FARS2: variants seen among roughly 807,000 people sequenced by gnomAD.
The protein encoded by FARS2 is phenylalanine--tRNA ligase, mitochondrial.
Under a neutral mutation model 46.4 loss-of-function variants are expected in FARS2, and 40 were observed. That is an observed-to-expected ratio of 0.86 (90% confidence interval 0.67 to 1.12). The LOEUF (loss-of-function observed/expected upper bound fraction) is 1.12. Ranked by LOEUF, FARS2 falls within the 50% of genes most tolerant of loss-of-function variation. The probability of loss-of-function intolerance (pLI) is 0.00; values close to 1 mark genes in which losing one functional copy is unlikely to be tolerated. For missense variants in FARS2, 513 were observed against 567.9 expected (o/e 0.90, Z 0.98); for synonymous variants, 234 against 214.9 (o/e 1.09, Z -0.78).
At chr6:5,724,212 A>G (rs181659377) in intron 6 of FARS2, among the ~76,000 whole-genome samples, 98 of 152,366 alleles carry the variant, frequency 6.4e-4, no homozygotes, top group African/African-American at 2.2e-3. Flanking sequence ...GCTGTCAGCC[A>G]TCAGAGACCT....
chr6:5,587,663 C>T (rs2150594837), intron 5 of FARS2, among the ~76,000 whole-genome samples: 1 of 152,262 alleles, frequency 6.6e-6, no homozygotes, highest in Admixed American at 6.5e-5. Flanking sequence ...TGAAAGAAAC[C>T]TGAAACGAAT....
chr6:5,538,225 G>A (rs778251590), intron 4 of FARS2, among the ~76,000 whole-genome samples: 3 of 151,526 alleles, frequency 2.0e-5, no homozygotes, highest in African/African-American at 4.9e-5. Flanking sequence ...GCTGAGGAGT[G>A]CCAAAGACCT....
At chr6:5,722,156 C>T (rs1759953031) in intron 6 of FARS2, among the ~76,000 whole-genome samples, 1 of 152,184 alleles carries the variant, frequency 6.6e-6, no homozygotes, top group African/African-American at 2.4e-5. Flanking sequence ...GTGCCACTAC[C>T]TTGATCCCAG....
chr6:5,452,212 G>A (rs1764537122), intron 4 of FARS2: 1 of 152,280 alleles, frequency 6.6e-6, no homozygotes, highest in African/African-American at 2.4e-5. Flanking sequence ...GTGAGGTGTA[G>A]ATGGGTGTAG....
rs565977581 is a variant in FARS2 at position 5,538,293 on chromosome 6, A to G, written c.905-6887A>G. ...TTAAGTGTCTATGTATTTATGACTC[A>G]CTTTCTTCCATAAAGAATTTGAAGT... is the stretch of plus-strand genomic sequence containing the variant. On this transcript the variant is annotated intron_variant, in intron 4 of 6. Transcript: ENST00000274680. Among the ~76,000 whole-genome samples, 4 of 152,278 alleles carry G rather than the reference A, an allele frequency of 2.6e-5. No homozygotes were observed. The East Asian group carries it at 5.8e-4, about 22-fold the overall frequency.
chr6:5,711,603 C>CA (rs575991927), intron 6 of FARS2, among the ~76,000 whole-genome samples: 1 of 151,748 alleles, frequency 6.6e-6, no homozygotes, highest in Non-Finnish European at 1.5e-5. Context: ...CGATCTTCCA[C>CA]AAAAAAGAAT....
chr6:5,501,535 T>G (rs1767799328), intron 4 of FARS2, among the ~76,000 whole-genome samples: 1 of 152,166 alleles, frequency 6.6e-6, no homozygotes. Flanking sequence ...CTTGCTCTGT[T>G]GCCCAGGCTG....
At chr6:5,694,982 C>G (rs1368453600) in intron 6 of FARS2, 1 of 152,178 alleles carries the variant, frequency 6.6e-6, no homozygotes, top group Non-Finnish European at 1.5e-5. Context: ...TGCACTACAG[C>G]CTGGGTGATA....
chr6:5,697,980 G>A (rs1455020277), intron 6 of FARS2, among the ~76,000 whole-genome samples: 1 of 152,136 alleles, frequency 6.6e-6, no homozygotes, highest in Non-Finnish European at 1.5e-5. Context: ...AGAAAATGCA[G>A]CATGGGTTGA....
At chr6:5,252,615 C>T in the FARS2 span, among the ~76,000 whole-genome samples, 1 of 152,188 alleles carries the variant, frequency 6.6e-6, no homozygotes, top group Non-Finnish European at 1.5e-5. Flanking sequence ...GCTGTCTTTT[C>T]ACTAGAGATG....
chr6:5,613,376 T>C, intron 6 of FARS2, 56 bp downstream of exon 6: 7 of 1,504,868 alleles, frequency 4.7e-6, no homozygotes, highest in Non-Finnish European at 6.3e-6. Flanking sequence ...ATAAATGTCA[T>C]GTGGAAGCAT....
intron 5 of FARS2, among the ~76,000 whole-genome samples, chr6:5,579,458 G>A (rs908214914): frequency 3.9e-5 from 6 of 152,084 alleles, no homozygotes; most frequent in Admixed American, 1.3e-4. Flanking sequence ...ATTTTTAGTA[G>A]AGATGGGATT....
Position 5,730,519 on chromosome 6 carries a change from GTT to G in FARS2, c.1218-40762_1218-40761del, listed in dbSNP as rs10609045. On this transcript the variant is annotated intron_variant, in intron 6 of 6. Coordinates refer to ENST00000274680, the MANE Select transcript of FARS2 (RefSeq NM_006567.5). ...AAAGGATTTTCTAGATTACAAAGAGGTTTTTTTTTTTACAACTAGAACTGTTT... is the reference window on the plus strand; with the variant it reads ...AAAGGATTTTCTAGATTACAAAGAGGTTTTTTTTTACAACTAGAACTGTTT... Among the ~76,000 whole-genome samples, 994 of 148,038 alleles carry G rather than the reference GTT, an allele frequency of 6.7e-3. 15 individuals are homozygous for G. The highest frequency in any genetic ancestry group is 0.023 in the African/African-American group (939 of 40,498).
chr6:5,534,895 G>A (rs1308617433), intron 4 of FARS2, among the ~76,000 whole-genome samples: 1 of 135,800 alleles, frequency 7.4e-6, no homozygotes. Context: ...AGAGAGAATT[G>A]CTGGGTGATA....
rs3057175 is a variant in FARS2 at position 5,381,370 on chromosome 6, AACAC to A, written c.612+12220_612+12223del. 4.8e-3 allele frequency among the ~76,000 whole-genome samples: 639 copies of A among 132,980 alleles called. 2 individuals carry two copies. The highest frequency in any genetic ancestry group is 0.037 in the Middle Eastern group (10 of 272). The allele number at this position is 132,980 out of a possible 152,430, so 87.2% of individuals were successfully genotyped here. On this transcript the variant is annotated intron_variant, in intron 2 of 6. Transcript: ENST00000274680. ...ATGAGAAATTTGCATACTCCCCAGA[AACAC>A]ACACACACACACACACACACACACA... is the stretch of plus-strand genomic sequence containing the variant.
chr6:5,418,450 G>A (rs542177855), intron 3 of FARS2, among the ~76,000 whole-genome samples: 42 of 152,160 alleles, frequency 2.8e-4, no homozygotes, highest in Non-Finnish European at 4.7e-4. Context: ...CTACCTATGC[G>A]AGACCTGTCT....
chr6:5,695,173 A>G (rs1483417950), intron 6 of FARS2: 1 of 152,242 alleles, frequency 6.6e-6, no homozygotes, highest in Non-Finnish European at 1.5e-5. Context: ...CGTAGCCTTC[A>G]CTGCCATTTG....
At chr6:5,517,612 C>CA (rs11366583) in intron 4 of FARS2, among the ~76,000 whole-genome samples, 4,620 of 127,478 alleles carry the variant, frequency 0.036, 222 homozygotes, top group African/African-American at 0.12. Context: ...GACTCAGTCT[C>CA]AAAAAAAAAA....
intron 3 of FARS2, 88 bp from the exon 4 acceptor site, chr6:5,430,953 G>T: frequency 7.8e-7 from 1 of 1,282,116 alleles, no homozygotes; most frequent in Non-Finnish European, 1.1e-6. Flanking sequence ...GTAGTAATTG[G>T]TGTCATTAGT....
Sources: gnomAD v4.1 joint callset for allele counts (sites outside exome capture counted in the v4.1 genomes callset) on GRCh38, gnomAD v4.1.1 for gene constraint, MANE v1.5 for transcripts, NCBI Gene and HGNC (gene_info 2026-07-23, HGNC 2026-07-21) for gene names.